ZHX2: variants seen among roughly 807,000 people sequenced by gnomAD.
ZHX2 encodes zinc fingers and homeoboxes 2.
Under a neutral mutation model 21.9 loss-of-function variants are expected in ZHX2, and 6 were observed. The ratio of observed to expected loss-of-function variants is 0.27; its 90% CI spans 0.15 to 0.54. ZHX2 has a LOEUF of 0.54. ZHX2 is among the 20% of genes least tolerant of loss of function. The pLI, the probability that ZHX2 is intolerant of heterozygous loss-of-function variation, is 0.95. For missense variants in ZHX2, 908 were observed against 1,090.7 expected (o/e 0.83, Z 2.36); for synonymous variants, 434 against 437.1 (o/e 0.99, Z 0.09).
intron 2 of ZHX2, among the ~76,000 whole-genome samples, chr8:122,925,006 C>T (rs1402464893): frequency 6.6e-6 from 1 of 152,156 alleles, no homozygotes; most frequent in African/African-American, 2.4e-5. Context: ...GACTACATAC[C>T]TTACTCTGCT....
intron 3 of ZHX2, among the ~76,000 whole-genome samples, chr8:122,964,315 C>T (rs975499886): frequency 6.6e-6 from 1 of 152,018 alleles, no homozygotes; most frequent in Non-Finnish European, 1.5e-5. Flanking sequence ...CAAGGTGTGT[C>T]CCTTCTATGC....
At chr8:122,860,115 G>A (rs190928168) in intron 1 of ZHX2, among the ~76,000 whole-genome samples, 60 of 152,304 alleles carry the variant, frequency 3.9e-4, no homozygotes, top group Non-Finnish European at 6.9e-4. Flanking sequence ...GGGGAAGCAA[G>A]GCACCTTCTT....
At chr8:122,783,455 A>G (rs1817332905) in intron 1 of ZHX2, among the ~76,000 whole-genome samples, 1 of 152,050 alleles carries the variant, frequency 6.6e-6, no homozygotes, top group Non-Finnish European at 1.5e-5. Flanking sequence ...CACTTCTTGA[A>G]TTGCCCAGAC....
chr8:122,910,361 T>C (rs911177343), intron 2 of ZHX2, among the ~76,000 whole-genome samples: 15 of 152,146 alleles, frequency 9.9e-5, no homozygotes, highest in African/African-American at 3.6e-4. Context: ...TGTAGAATTG[T>C]GATGGAAGCT....
intron 1 of ZHX2, among the ~76,000 whole-genome samples, chr8:122,799,063 G>A (rs1017665086): frequency 6.6e-6 from 1 of 152,106 alleles, no homozygotes; most frequent in Non-Finnish European, 1.5e-5. Flanking sequence ...GTTAAAGCTC[G>A]CTCCAGAACA....
intron 1 of ZHX2, among the ~76,000 whole-genome samples, chr8:122,795,896 C>T (rs1817603899): frequency 1.3e-5 from 2 of 152,128 alleles, no homozygotes; most frequent in South Asian, 2.1e-4. Context: ...TAAGGCCAGG[C>T]GCGATGGCTC....
At chr8:122,882,849 G>A (rs1003148024) in intron 2 of ZHX2, among the ~76,000 whole-genome samples, 1 of 152,042 alleles carries the variant, frequency 6.6e-6, no homozygotes, top group Non-Finnish European at 1.5e-5. Flanking sequence ...AGGTGTGGTG[G>A]TGCACACCTG....
At chr8:122,887,771 G>A (rs1819880565) in intron 2 of ZHX2, among the ~76,000 whole-genome samples, 1 of 152,132 alleles carries the variant, frequency 6.6e-6, no homozygotes. Context: ...TGGGCCTTGG[G>A]CTGAGAAAGG....
chr8:122,844,509 A>G (rs1818710287), intron 1 of ZHX2, among the ~76,000 whole-genome samples: 1 of 152,208 alleles, frequency 6.6e-6, no homozygotes, highest in African/African-American at 2.4e-5. Context: ...AACTCTGGGA[A>G]TCTAGAGGTT....
At chr8:122,851,452 C>T (rs921894799) in intron 1 of ZHX2, among the ~76,000 whole-genome samples, 1 of 152,152 alleles carries the variant, frequency 6.6e-6, no homozygotes, top group African/African-American at 2.4e-5. Flanking sequence ...GAGGCCCTTC[C>T]CTGACAATCA....
intron 1 of ZHX2, among the ~76,000 whole-genome samples, chr8:122,804,721 T>C (rs1817790551): frequency 6.6e-6 from 1 of 152,202 alleles, no homozygotes; most frequent in Non-Finnish European, 1.5e-5. Flanking sequence ...ATCACAACCC[T>C]GCACCATTTC....
chr8:122,948,602 T>C (rs1262142024), intron 2 of ZHX2, among the ~76,000 whole-genome samples: 1 of 152,172 alleles, frequency 6.6e-6, no homozygotes, highest in African/African-American at 2.4e-5. Flanking sequence ...CAAAAGTTCT[T>C]TTAGAAGCAA....
At chr8:122,781,623 G>C (rs965780861), upstream of ZHX2, 1 of 152,586 alleles carries the variant, frequency 6.6e-6, no homozygotes, top group Admixed American at 6.5e-5. This position sits in a 1 kb window ranked among gnomAD's most constrained non-coding sequence, Gnocchi z 4.6. Context: ...TGGTGGTATC[G>C]TATGCAAATA....
At chr8:122,848,186 G>C (rs1294710654) in intron 1 of ZHX2, among the ~76,000 whole-genome samples, 3 of 152,184 alleles carry the variant, frequency 2.0e-5, no homozygotes, top group Non-Finnish European at 4.4e-5. Context: ...GTGTGGGTTT[G>C]AGAGACAGCG....
At chr8:122,898,137 A>C (rs1820142348) in intron 2 of ZHX2, among the ~76,000 whole-genome samples, 1 of 152,210 alleles carries the variant, frequency 6.6e-6, no homozygotes, top group African/African-American at 2.4e-5. Flanking sequence ...TTTTACAAAA[A>C]ACCCATCTAA....
At chr8:122,839,995 G>A (rs1818591644) in intron 1 of ZHX2, among the ~76,000 whole-genome samples, 1 of 152,108 alleles carries the variant, frequency 6.6e-6, no homozygotes, top group Non-Finnish European at 1.5e-5. Flanking sequence ...GTGAGAAAAT[G>A]GGCTCTGAAG....
chr8:122,886,758 A>C (rs1819850946), intron 2 of ZHX2, among the ~76,000 whole-genome samples: 1 of 152,214 alleles, frequency 6.6e-6, no homozygotes, highest in Non-Finnish European at 1.5e-5. Context: ...ACAAACACAT[A>C]ATAGAAATTA....
chr8:122,807,400 C>T (rs1428871036), intron 1 of ZHX2, among the ~76,000 whole-genome samples: 1 of 152,128 alleles, frequency 6.6e-6, no homozygotes, highest in Non-Finnish European at 1.5e-5. Flanking sequence ...GATTTCCAGA[C>T]TGCATGGGAA....
At chr8:122,847,038 G>A (rs1185851269) in intron 1 of ZHX2, among the ~76,000 whole-genome samples, 5 of 152,106 alleles carry the variant, frequency 3.3e-5, no homozygotes, top group Non-Finnish European at 5.9e-5. Context: ...TTGTTATTGC[G>A]ATTAGCCTCC....
Sources: allele counts gnomAD v4.1 joint callset (sites outside exome capture counted in the v4.1 genomes callset), GRCh38; gene constraint gnomAD v4.1.1; non-coding constraint Gnocchi (gnomAD v3.1); transcripts MANE v1.5; gene names NCBI Gene and HGNC (gene_info 2026-07-23, HGNC 2026-07-21).